The following TBC1D8 variants were observed in gnomAD, a reference collection of about 807,000 sequenced individuals.
TBC1D8 encodes the protein TBC1 domain family member 8.
TBC1D8 carries 65 observed loss-of-function variants against 118.8 expected under a neutral mutation model. That is an observed-to-expected ratio of 0.55 (90% CI 0.45 to 0.67). TBC1D8 has a LOEUF of 0.67. TBC1D8 is among the 30% of genes least tolerant of loss of function. The pLI, the probability that TBC1D8 is intolerant of heterozygous loss-of-function variation, is 0.00. For synonymous variants in TBC1D8, 566 were observed against 595.8 expected (o/e 0.95, Z 0.73); for missense variants, 1,376 against 1,471.2 (o/e 0.94, Z 1.06).
intron 14 of TBC1D8, 104 bp from the exon 15 acceptor site, chr2:101,027,555 T>C: frequency 2.1e-6 from 2 of 951,902 alleles, no homozygotes; most frequent in Non-Finnish European, 3.3e-6. Context: ...AAGGAGCCCA[T>C]GCACCAGCTT....
In TBC1D8 at chr2:101,033,649, G is replaced by C; in HGVS notation, c.1713C>G (p.Arg571=). 1 of 1,613,974 alleles carries C rather than the reference G, an allele frequency of 6.2e-7. No individual in the cohort carries two copies. The highest frequency in any genetic ancestry group is 8.5e-7 in the Non-Finnish European group (1 of 1,179,892). Residue 571 remains arginine (R), a synonymous_variant, in exon 10 of 20, where the codon CGC becomes CGG. Coordinates refer to ENST00000409318, the MANE Select transcript of TBC1D8 (RefSeq NM_001330348.2). ...GGAAGGCGGGGTGCTCTGGCAGGGA[G>C]CGGTGCAGGTCTCGTTCTATCTCCT... ...VTEEIERDLH[R]SLPEHPAFQN...
chr2:101,112,402 C>G (rs574809790), intron 1 of TBC1D8, among the ~76,000 whole-genome samples: 52 of 152,334 alleles, frequency 3.4e-4, no homozygotes, highest in African/African-American at 1.2e-3. Context: ...GATTTCATTT[C>G]TCGTCGTGAA....
chr2:101,057,546 C>T (rs766031230), intron 3 of TBC1D8, among the ~76,000 whole-genome samples: 2 of 152,222 alleles, frequency 1.3e-5, no homozygotes, highest in African/African-American at 4.8e-5. Context: ...GTCTGTTTGG[C>T]TGGGCGTGGT....
chr2:101,146,156 A>C (rs1484815407), intron 1 of TBC1D8, among the ~76,000 whole-genome samples: 2 of 152,190 alleles, frequency 1.3e-5, no homozygotes, highest in African/African-American at 4.8e-5. Context: ...AACCCTCCGA[A>C]GTAAGATTCA....
intron 1 of TBC1D8, among the ~76,000 whole-genome samples, chr2:101,096,035 G>T (rs2105463479): frequency 6.6e-6 from 1 of 152,300 alleles, no homozygotes; most frequent in African/African-American, 2.4e-5. Context: ...AGTATGGCAA[G>T]ACTCAGACTC....
chr2:101,037,488 C>A (rs371089371), intron 8 of TBC1D8, 44 bp downstream of exon 8: 10 of 1,594,530 alleles, frequency 6.3e-6, no homozygotes, highest in Non-Finnish European at 8.5e-6. Context: ...CCCAAGCCCA[C>A]GGCTCAGCTT....
At position 101,119,159 on chromosome 2, in the gene TBC1D8, A is replaced by G. The variant is rs146349337; in HGVS notation, c.128-28795T>C. ...CTGAGAATGAAATCAAGAAGGCCTC[A>G]GAATTTTTAAGGCTCCTCAAGCAGT... On this transcript the variant is annotated intron_variant, in intron 1 of 19. Coordinates refer to ENST00000409318, the MANE Select transcript of TBC1D8 (RefSeq NM_001330348.2). Among the ~76,000 whole-genome samples, 25 of 152,356 alleles carry G rather than the reference A, an allele frequency of 1.6e-4. 1 individual carries two copies. In the East Asian group the frequency reaches 4.8e-3, roughly 29 times the overall value.
rs777437526 is a variant in TBC1D8 at position 101,028,363 on chromosome 2, G to A, written c.2292C>T (p.Ser764=). 126 of 1,611,752 alleles carry A rather than the reference G, an allele frequency of 7.8e-5. No homozygotes were observed. The highest frequency in any genetic ancestry group is 2.9e-4 in the East Asian group (13 of 44,868). ...PPVGSHHAFF[S]DDQEPYPVTD... is the part of the protein sequence containing the mutation. ...TCACAGGGTAGGGCTCCTGGTCGTC[G>A]GAGAAAAAGGCATGGTGGCTGCCAA... The change falls in exon 13 of 20, where the codon TCC becomes TCT. Residue 764 remains serine (S), a synonymous_variant. Transcript: ENST00000409318.
At chr2:101,072,880 C>T (rs1368844907) in intron 2 of TBC1D8, among the ~76,000 whole-genome samples, 1 of 152,112 alleles carries the variant, frequency 6.6e-6, no homozygotes, top group Non-Finnish European at 1.5e-5. Flanking sequence ...TGCCCCCCGA[C>T]CCAAACACTT....
At chr2:101,079,717 G>A (rs1675130357) in intron 2 of TBC1D8, among the ~76,000 whole-genome samples, 1 of 105,352 alleles carries the variant, frequency 9.5e-6, no homozygotes, top group African/African-American at 3.7e-5. Flanking sequence ...ACGGAGTCTT[G>A]CTCTGTCGCC....
rs572786280 is a variant in TBC1D8 at position 101,009,434 on chromosome 2, T to C, written c.3016-1161A>G. Among the ~76,000 whole-genome samples the C allele has an allele frequency of 9.7e-4, 147 of 151,288 alleles. 1 individual carries two copies. Among genetic ancestry groups the C allele is most frequent in the Admixed American group, 2.1e-3 (32 of 15,212 alleles). On this transcript the variant is annotated intron_variant, in intron 19 of 19. Coordinates refer to ENST00000409318, the MANE Select transcript of TBC1D8 (RefSeq NM_001330348.2). ...AAAAAAAAAAAAAAAGAAAAATGCT[T>C]GGGTACTAATATAACAAATATTTAT...
At chr2:101,115,795 T>C (rs913820623) in intron 1 of TBC1D8, among the ~76,000 whole-genome samples, 2 of 151,658 alleles carry the variant, frequency 1.3e-5, no homozygotes, top group Admixed American at 1.3e-4. Flanking sequence ...CAGTACACAG[T>C]ACTTGTTTGC....
chr2:101,104,475 A>G (rs1394204311), intron 1 of TBC1D8, among the ~76,000 whole-genome samples: 1 of 152,268 alleles, frequency 6.6e-6, no homozygotes, highest in Non-Finnish European at 1.5e-5. Context: ...ACAAAGTTAC[A>G]GTAATCAAGA....
At chr2:101,052,546 G>C (rs1036768223) in intron 4 of TBC1D8, among the ~76,000 whole-genome samples, 1 of 145,146 alleles carries the variant, frequency 6.9e-6, no homozygotes, top group Non-Finnish European at 1.5e-5. Context: ...GTGCAATCTC[G>C]GCTCACTGCA....
chr2:101,139,544 A>G (rs1177467838), intron 1 of TBC1D8, among the ~76,000 whole-genome samples: 6 of 152,114 alleles, frequency 3.9e-5, no homozygotes, highest in African/African-American at 1.4e-4. Flanking sequence ...TCCTGGCTTC[A>G]GGGAAAATAC....
At chr2:101,066,239 A>G (rs1683006067) in intron 2 of TBC1D8, among the ~76,000 whole-genome samples, 1 of 152,128 alleles carries the variant, frequency 6.6e-6, no homozygotes, top group South Asian at 2.1e-4. Flanking sequence ...AGCCGAGATC[A>G]CGCCACTGCA....
At chr2:101,073,546 G>A (rs1409702853) in intron 2 of TBC1D8, among the ~76,000 whole-genome samples, 14 of 151,984 alleles carry the variant, frequency 9.2e-5, no homozygotes, top group Admixed American at 3.3e-4. Context: ...CGCCCGCCTC[G>A]GCCTCCCAAA....
At chr2:101,038,171 G>T (rs1573915144) in intron 7 of TBC1D8, among the ~76,000 whole-genome samples, 1 of 152,174 alleles carries the variant, frequency 6.6e-6, no homozygotes, top group Non-Finnish European at 1.5e-5. Context: ...GGCCGACAAA[G>T]CTCCTCTTTT....
intron 1 of TBC1D8, 119 bp downstream of exon 1, chr2:101,151,008 G>T: frequency 1.4e-6 from 1 of 733,714 alleles, no homozygotes; most frequent in Non-Finnish European, 1.7e-6. Context: ...GGGCCGTCCG[G>T]GCCCCGCGTC....
Sources: gnomAD v4.1 joint callset for allele counts (sites outside exome capture counted in the v4.1 genomes callset) on GRCh38, gnomAD v4.1.1 for gene constraint, MANE v1.5 for transcripts, NCBI Gene and HGNC (gene_info 2026-07-23, HGNC 2026-07-21) for gene names.